Variants in NUP188 observed in about 807,000 individuals in gnomAD.
The protein encoded by NUP188 is nucleoporin 188, also known as nucleoporin NUP188.
NUP188 carries 97 observed loss-of-function variants against 223.0 expected under a neutral mutation model. The observed-to-expected ratio is 0.43, with a 90% CI of 0.37 to 0.51. The LOEUF is 0.51. NUP188 is among the 20% of genes least tolerant of loss of function. The pLI, the probability that NUP188 is intolerant of heterozygous loss-of-function variation, is 0.00. For missense variants in NUP188, 1,947 were observed against 2,175.6 expected (o/e 0.89, Z 2.09); for synonymous variants, 869 against 828.0 (o/e 1.05, Z -0.85).
At position 128,993,311 on chromosome 9, in the gene NUP188, C is replaced by G; in HGVS notation, c.2755C>G (p.Leu919Val). Residue 919 changes from leucine to valine, a missense_variant, in exon 26 of 44, where the codon CTA becomes GTA. Around this residue, in one of 3 missense-constraint regions of NUP188, gnomAD observed 225 missense variants for 319.1 expected, o/e 0.71. Coordinates refer to ENST00000372577, the MANE Select transcript of NUP188 (RefSeq NM_015354.3). Reference sequence around the variant, plus strand: ...GGACATGCGCATCAAAGTCATGATTCTAGAGTTCCTCACTGTTGCAGTAGA... The same window carrying G: ...GGACATGCGCATCAAAGTCATGATTGTAGAGTTCCTCACTGTTGCAGTAGA... ...IEDMRIKVMI[L>V]EFLTVAVETQ... 3 of 1,614,178 alleles carry G rather than the reference C, an allele frequency of 1.9e-6. No individual in the cohort carries two copies. The highest frequency in any genetic ancestry group is 2.5e-6 in the Non-Finnish European group (3 of 1,180,016).
chr9:128,993,613 T>A lies in NUP188; in HGVS notation c.2936T>A (p.Leu979Gln). 1 of 1,614,190 alleles carries A rather than the reference T, an allele frequency of 6.2e-7. No homozygotes were observed. The highest frequency in any genetic ancestry group is 8.5e-7 in the Non-Finnish European group (1 of 1,180,030). The change falls in exon 27 of 44, where the codon CTG (leucine) becomes CAG (glutamine). Residue 979 changes from leucine (L) to glutamine (Q), a missense_variant. Physicochemically the swap from Leu to Gln is moderately radical, Grantham distance 113 (BLOSUM62 -2). Around this residue, in one of 3 missense-constraint regions of NUP188, gnomAD observed 905 missense variants for 990.6 expected, o/e 0.91. Coordinates refer to ENST00000372577, the MANE Select transcript of NUP188 (RefSeq NM_015354.3). The part of the protein sequence containing the change: ...QQQDRYWCPP[L>Q]LHRAAIAFLH... ...CAAGATCGATACTGGTGCCCACCCC[T>A]GCTGCATCGTGCCGCCATTGCCTTT... is the stretch of plus-strand genomic sequence containing the variant.
At chr9:128,990,499 G>A (rs921065562) in intron 25 of NUP188, among the ~76,000 whole-genome samples, 2 of 152,054 alleles carry the variant, frequency 1.3e-5, no homozygotes, top group African/African-American at 4.8e-5. Context: ...AGGCTGAGGT[G>A]GGTAGATCAC....
At chr9:128,988,991 G>A (rs1842378653) in intron 24 of NUP188, among the ~76,000 whole-genome samples, 1 of 152,066 alleles carries the variant, frequency 6.6e-6, no homozygotes, top group East Asian at 1.9e-4. Flanking sequence ...CTGACCTCAG[G>A]TGACTTGCCC....
intron 25 of NUP188, 86 bp downstream of exon 25, chr9:128,990,312 C>A: frequency 9.4e-7 from 1 of 1,058,684 alleles, no homozygotes; most frequent in Non-Finnish European, 1.5e-6. Flanking sequence ...AGGCCACGTG[C>A]AGCGGCTTAA....
At chr9:128,993,013 T>C (rs1418418698) in intron 25 of NUP188, 184 bp from the exon 26 acceptor site, 2 of 598,200 alleles carry the variant, frequency 3.3e-6, no homozygotes, top group Non-Finnish European at 6.0e-6. Flanking sequence ...GATTACTGTC[T>C]TTCCTGTGAA....
At chr9:129,004,797 C>T in intron 38 of NUP188, 1 of 272,432 alleles carries the variant, frequency 3.7e-6, no homozygotes. Context: ...GCCACCGCAC[C>T]CGGCCTCATC....
chr9:128,968,819 C>T (rs771390502), intron 9 of NUP188, 102 bp downstream of exon 9: 187 of 858,734 alleles, frequency 2.2e-4, no homozygotes, highest in South Asian at 1.6e-3. Flanking sequence ...TTCACTTAAT[C>T]GGTGGGGAAA....
In NUP188 at chr9:128,998,244, A is replaced by T; in HGVS notation, c.3429+16A>T. Reference sequence around the variant, plus strand: ...CAAAGCATTAGTAAGTGTGTCTGGGAGATTTTACATTTCTCCCAGGGAGGT... The same window carrying T: ...CAAAGCATTAGTAAGTGTGTCTGGGTGATTTTACATTTCTCCCAGGGAGGT... On this transcript the variant is annotated intron_variant, in intron 31 of 43. Coordinates refer to ENST00000372577, the MANE Select transcript of NUP188 (RefSeq NM_015354.3). The T allele has an allele frequency of 6.2e-7, 1 of 1,603,866 alleles. No homozygotes were observed. Among genetic ancestry groups the T allele is most frequent in the Non-Finnish European group, 8.5e-7 (1 of 1,170,652 alleles).
rs1373617566 is a variant in NUP188 at position 129,006,071 on chromosome 9, C to T, written c.4891C>T (p.Leu1631Phe). 6.2e-6 allele frequency: 10 copies of T among 1,614,162 alleles called. No individual in the cohort carries two copies. The highest frequency in any genetic ancestry group is 1.3e-5 in the African/African-American group (1 of 75,016). Residue 1631 changes from leucine to phenylalanine, a missense_variant, in exon 42 of 44, where the codon CTC (leucine) becomes TTC (phenylalanine). By Grantham distance (22) the Leu-to-Phe change is conservative. Transcript: ENST00000372577. ...TCAGCTGGACAAGAAAAAGGAGCCC[C>T]TCACCCAGGCAGTGGGGCTCAGCAC... ...LGELDKKKEP[L>F]TQAVGLSTQA...
At chr9:129,002,162 C>T (rs993883502) in intron 36 of NUP188, among the ~76,000 whole-genome samples, 186 bp downstream of exon 36, 1 of 152,258 alleles carries the variant, frequency 6.6e-6, no homozygotes, top group Non-Finnish European at 1.5e-5. Flanking sequence ...AAAGGCACCG[C>T]CTGGCCTTTG....
chr9:128,974,655 C>G (rs1227474135), intron 12 of NUP188, among the ~76,000 whole-genome samples: 1 of 152,088 alleles, frequency 6.6e-6, no homozygotes, highest in Admixed American at 6.6e-5. Flanking sequence ...TCTGCCCCTT[C>G]CCTCCTTGAT....
At position 129,005,527 on chromosome 9, in the gene NUP188, T is replaced by G. The variant is rs61751465; in HGVS notation, c.4734T>G (p.Asp1578Glu). 11,282 of 1,608,008 alleles carry G rather than the reference T, an allele frequency of 7.0e-3. 46 individuals carry two copies. The highest frequency in any genetic ancestry group is 8.6e-3 in the Non-Finnish European group (10,120 of 1,179,924). ...FTPDVCQILL[D>E]QSLDLAEYNF... is the part of the protein sequence containing the mutation. ...CAGATGTCTGCCAGATTCTGCTGGATCAGGTACTGCCCATCATCTGTTCAG... is the reference window on the plus strand; with the variant it reads ...CAGATGTCTGCCAGATTCTGCTGGAGCAGGTACTGCCCATCATCTGTTCAG... Residue 1578 changes from aspartate to glutamate, a missense_variant, in exon 40 of 44, where the codon GAT becomes GAG. Physicochemically the swap from Asp to Glu is conservative, Grantham distance 45. Around this residue, in one of 3 missense-constraint regions of NUP188, gnomAD observed 905 missense variants for 990.6 expected, o/e 0.91. Transcript: ENST00000372577.
In NUP188 at chr9:129,001,606, C is replaced by T. The variant is rs777517569; in HGVS notation, c.3921C>T (p.Thr1307=). 4 of 1,613,900 alleles carry T rather than the reference C, an allele frequency of 2.5e-6. No individual in the cohort carries two copies. In the African/African-American group the frequency reaches 5.3e-5, roughly 22 times the overall value. The change falls in exon 35 of 44, where the codon ACC becomes ACT. Residue 1307 remains threonine (T), a synonymous_variant. Transcript: ENST00000372577. The part of the protein sequence containing the change: ...DEDGDSWLQV[T]RRLPILPTLL... ...ATGGTGACTCCTGGCTGCAGGTAAC[C>T]CGCAGGCTCCCCATCCTACCCACCC...
chr9:128,968,610 T>C lies in NUP188; in HGVS notation c.690T>C (p.Ser230=), dbSNP rs372015505. 4.5e-5 allele frequency: 73 copies of C among 1,613,922 alleles called. No homozygotes were observed. The highest frequency in any genetic ancestry group is 7.6e-6 in the Non-Finnish European group (9 of 1,179,920). ...LYYAYFEMAP[S]DLLVLTKMFK... Reference sequence around the variant, plus strand: ...ATGCATACTTTGAGATGGCACCCAGTGACTTACTTGTATTAACCAAGATGT... The same window carrying C: ...ATGCATACTTTGAGATGGCACCCAGCGACTTACTTGTATTAACCAAGATGT... The change falls in exon 9 of 44, where the codon AGT becomes AGC. Residue 230 remains serine (S), a synonymous_variant. Coordinates refer to ENST00000372577, the MANE Select transcript of NUP188 (RefSeq NM_015354.3).
In NUP188 at chr9:128,994,911, A is replaced by G. The variant is rs890106634; in HGVS notation, c.3143A>G (p.Tyr1048Cys). 1 of 1,611,818 alleles carries G rather than the reference A, an allele frequency of 6.2e-7. No homozygotes were observed. The highest frequency in any genetic ancestry group is 8.5e-7 in the Non-Finnish European group (1 of 1,177,864). The change falls in exon 29 of 44, where the codon TAC (tyrosine) becomes TGC (cysteine). Residue 1048 changes from tyrosine (Y) to cysteine (C), a missense_variant. Physicochemically the swap from Tyr to Cys is radical, Grantham distance 194 (BLOSUM62 -2). Around this residue, in one of 3 missense-constraint regions of NUP188, gnomAD observed 905 missense variants for 990.6 expected, o/e 0.91. Transcript: ENST00000372577. ...ATGAAGATAATTTGCTTGGAGATAT[A>G]CTATGTAGTAAAGTGAGTACTTTCC... ...LIMKIICLEIYYVVKGSLDQS... is the reference protein window; with the variant it reads ...LIMKIICLEICYVVKGSLDQS...
chr9:128,957,825 G>C (rs1841892621), intron 5 of NUP188, among the ~76,000 whole-genome samples, 185 bp from the exon 6 acceptor site: 1 of 152,190 alleles, frequency 6.6e-6, no homozygotes, highest in South Asian at 2.1e-4. Context: ...ATTGAGGCCA[G>C]AGGAGAAGGG....
intron 32 of NUP188, 72 bp from the exon 33 acceptor site, chr9:128,999,100 G>A (rs1293151514): frequency 1.5e-5 from 20 of 1,295,792 alleles, no homozygotes; most frequent in South Asian, 8.6e-5. Context: ...TGATCCACCC[G>A]CCTTGGCCTC....
At chr9:128,964,305 G>C (rs772217928) in intron 8 of NUP188, 3 of 371,378 alleles carry the variant, frequency 8.1e-6, no homozygotes, top group South Asian at 4.3e-5. Flanking sequence ...CTATTTACCA[G>C]ATAGATGTTT....
chr9:129,005,757 C>T lies in NUP188; in HGVS notation c.4850C>T (p.Ala1617Val). The T allele has an allele frequency of 6.2e-7, 1 of 1,612,974 alleles. No homozygotes were observed. Among genetic ancestry groups the T allele is most frequent in the Non-Finnish European group, 8.5e-7 (1 of 1,179,468 alleles). ...ACCCTTCTGGCCACAGTGAATGTGG[C>T]CCTCAACATGCTTGGAGAGGTAAGT... is the stretch of plus-strand genomic sequence containing the variant. ...FGTLLATVNV[A>V]LNMLGELDKK... is the part of the protein sequence containing the mutation. The change falls in exon 41 of 44, where the codon GCC becomes GTC. Residue 1617 changes from alanine to valine, a missense_variant. Ala to Val is a moderately conservative substitution (Grantham distance 64). This residue lies in a region of NUP188 where 905 missense variants were observed against 990.6 expected (regional missense o/e 0.91). Transcript: ENST00000372577.
Sources: gnomAD v4.1 joint callset for allele counts (sites outside exome capture counted in the v4.1 genomes callset) on GRCh38, gnomAD v4.1.1 for gene constraint, gnomAD v4.1.1 regional missense constraint, MANE v1.5 for transcripts, NCBI Gene and HGNC (gene_info 2026-07-23, HGNC 2026-07-21) for gene names.